SLC1A1: variants seen among roughly 807,000 people sequenced by gnomAD.
SLC1A1 encodes the protein excitatory amino acid transporter 3.
Under a neutral mutation model 53.3 loss-of-function variants are expected in SLC1A1, and 43 were observed. The observed-to-expected ratio is 0.81, with a 90% CI of 0.63 to 1.04. The LOEUF is 1.04. Among genes scored for constraint, SLC1A1 ranks in the 50% least tolerant of loss-of-function variants. The probability of loss-of-function intolerance (pLI) is 0.00; values close to 1 mark genes in which losing one functional copy is unlikely to be tolerated. For synonymous variants in SLC1A1, 307 were observed against 243.2 expected (o/e 1.26, Z -2.44); for missense variants, 748 against 664.9 (o/e 1.12, Z -1.37).
chr9:4,533,080 G>C (rs149708982), intron 1 of SLC1A1, among the ~76,000 whole-genome samples: 2,301 of 152,222 alleles, frequency 0.015, 48 homozygotes, highest in African/African-American at 0.052. Context: ...ACATGGAAAG[G>C]AAAAACCGGT....
chr9:4,530,979 T>C (rs1209325515), intron 1 of SLC1A1, among the ~76,000 whole-genome samples: 7 of 152,198 alleles, frequency 4.6e-5, no homozygotes, highest in African/African-American at 1.4e-4. Flanking sequence ...CTGTCAAGGA[T>C]TGGAGCATTT....
At chr9:4,575,908 A>C in intron 8 of SLC1A1, 93 bp from the exon 9 acceptor site, 5 of 1,477,038 alleles carry the variant, frequency 3.4e-6, no homozygotes, top group African/African-American at 1.4e-5. Context: ...AAAGTCAAAC[A>C]ATTTTATAAA....
chr9:4,544,453 A>C (rs1247922702), intron 1 of SLC1A1, 114 bp from the exon 2 acceptor site: 2 of 902,706 alleles, frequency 2.2e-6, no homozygotes, highest in Non-Finnish European at 3.7e-6. Context: ...GAAATGATCT[A>C]AACTATTTTT....
At chr9:4,531,124 C>A (rs1358936733) in intron 1 of SLC1A1, among the ~76,000 whole-genome samples, 2 of 152,146 alleles carry the variant, frequency 1.3e-5, no homozygotes, top group African/African-American at 2.4e-5. Context: ...CAGCTCCCAG[C>A]GTGAGTGACT....
At chr9:4,557,259 A>C (rs1818495241) in intron 2 of SLC1A1, among the ~76,000 whole-genome samples, 1 of 152,228 alleles carries the variant, frequency 6.6e-6, no homozygotes, top group African/African-American at 2.4e-5. Flanking sequence ...CAGCCATATG[A>C]TCAGTGCAGT....
At chr9:4,569,734 G>C (rs1452503352) in intron 6 of SLC1A1, among the ~76,000 whole-genome samples, 1 of 152,166 alleles carries the variant, frequency 6.6e-6, no homozygotes, top group African/African-American at 2.4e-5. Context: ...CTTCTCTCTA[G>C]TTTTCACAGC....
At position 4,585,870 on chromosome 9, in the gene SLC1A1, G is replaced by C. The variant is rs1586879153; in HGVS notation, c.*312G>C. 1 of 334,562 alleles carries C rather than the reference G, an allele frequency of 3.0e-6. No individual in the cohort carries two copies. The highest frequency in any genetic ancestry group is 6.6e-5 in the East Asian group (1 of 15,134). The allele number at this position is 334,562 out of a possible 1,614,324, so 20.7% of individuals were successfully genotyped here. Reference sequence around the variant, plus strand: ...TTAGAATTAGGTAATGGATATGAAAGAGAAAATGCTTTCTCATGCATAGAC... The same window carrying C: ...TTAGAATTAGGTAATGGATATGAAACAGAAAATGCTTTCTCATGCATAGAC... On this transcript the variant is annotated 3_prime_UTR_variant, in exon 12 of 12. Transcript: ENST00000262352.
At chr9:4,510,035 T>G (rs1727379330) in intron 1 of SLC1A1, among the ~76,000 whole-genome samples, 1 of 152,080 alleles carries the variant, frequency 6.6e-6, no homozygotes, top group Non-Finnish European at 1.5e-5. Flanking sequence ...GGTTTTGCTG[T>G]GTTGGCCAGG....
At chr9:4,557,522 A>G (rs1818526913) in intron 2 of SLC1A1, among the ~76,000 whole-genome samples, 1 of 152,142 alleles carries the variant, frequency 6.6e-6, no homozygotes, top group Admixed American at 6.5e-5. Context: ...GTGGTGGCTC[A>G]CACCAATAAT....
At chr9:4,501,473 T>G (rs10974578) in intron 1 of SLC1A1, among the ~76,000 whole-genome samples, 8,663 of 151,660 alleles carry the variant, frequency 0.057, 1,049 homozygotes, top group African/African-American at 0.2. Flanking sequence ...TAGTTAAAAC[T>G]ACAGCACTTT....
At chr9:4,534,973 T>C (rs775192664) in intron 1 of SLC1A1, among the ~76,000 whole-genome samples, 1 of 152,176 alleles carries the variant, frequency 6.6e-6, no homozygotes, top group African/African-American at 2.4e-5. Context: ...ATTATCTTAA[T>C]AGATGCAGAA....
chr9:4,508,564 A>G (rs1375009649), intron 1 of SLC1A1, among the ~76,000 whole-genome samples: 3 of 152,228 alleles, frequency 2.0e-5, no homozygotes, highest in African/African-American at 7.2e-5. Context: ...GTACAGCACC[A>G]TAGCCATTGT....
intron 9 of SLC1A1, 49 bp from the exon 10 acceptor site, chr9:4,576,520 A>G (rs1564062243): frequency 2.0e-6 from 3 of 1,479,868 alleles, no homozygotes; most frequent in Non-Finnish European, 2.8e-6. Context: ...GGCAGGGACT[A>G]AGGTCCAGCA....
At chr9:4,498,441 A>T (rs770810855) in intron 1 of SLC1A1, among the ~76,000 whole-genome samples, 30 of 152,174 alleles carry the variant, frequency 2.0e-4, no homozygotes, top group Non-Finnish European at 4.4e-4. Context: ...AAAAACACTA[A>T]ATAAAATAAT....
chr9:4,553,799 T>A (rs1182636942), intron 2 of SLC1A1: 6 of 152,206 alleles, frequency 3.9e-5, no homozygotes. Flanking sequence ...CCTAGAGTGG[T>A]GATATTACCT....
chr9:4,561,304 G>T (rs1818914654), intron 2 of SLC1A1, 145 bp from the exon 3 acceptor site: 1 of 718,038 alleles, frequency 1.4e-6, no homozygotes. Context: ...TTGAAGTGTT[G>T]CTTTTGCCCA....
At chr9:4,541,820 G>A (rs1289497616) in intron 1 of SLC1A1, among the ~76,000 whole-genome samples, 1 of 152,182 alleles carries the variant, frequency 6.6e-6, no homozygotes, top group African/African-American at 2.4e-5. Flanking sequence ...ACTCCCAGAA[G>A]GGCAGTTATT....
intron 10 of SLC1A1, 63 bp downstream of exon 10, chr9:4,576,826 T>C (rs1820590617): frequency 2.1e-6 from 3 of 1,439,912 alleles, no homozygotes; most frequent in Non-Finnish European, 2.0e-6. Flanking sequence ...GTAAAAATTG[T>C]CCATGAAGGG....
intron 1 of SLC1A1, among the ~76,000 whole-genome samples, chr9:4,536,818 A>T (rs1187405984): frequency 6.6e-6 from 1 of 152,214 alleles, no homozygotes; most frequent in Non-Finnish European, 1.5e-5. Context: ...GATAGACTGG[A>T]TTAAGAAAAT....
Sources: allele counts gnomAD v4.1 joint callset (sites outside exome capture counted in the v4.1 genomes callset), GRCh38; gene constraint gnomAD v4.1.1; transcripts MANE v1.5; gene names NCBI Gene and HGNC (gene_info 2026-07-23, HGNC 2026-07-21).